ZBTB7C: variants seen among roughly 807,000 people sequenced by gnomAD.
ZBTB7C encodes zinc finger and BTB domain containing 7C.
A neutral mutation model predicts 25.7 loss-of-function variants in ZBTB7C; 8 were observed. That is an observed-to-expected ratio of 0.31 (90% CI 0.18 to 0.56). ZBTB7C has a LOEUF of 0.56. Ranked by LOEUF, ZBTB7C falls within the 20% of genes least tolerant of loss-of-function variation. The pLI is 0.91. For missense variants in ZBTB7C, 824 were observed against 855.2 expected (o/e 0.96, Z 0.46); for synonymous variants, 394 against 369.0 (o/e 1.07, Z -0.78).
At chr18:48,266,275 G>T (rs75035948) in intron 2 of ZBTB7C, among the ~76,000 whole-genome samples, 8,362 of 152,158 alleles carry the variant, frequency 0.055, 510 homozygotes, top group African/African-American at 0.15. Context: ...TGACTCCACG[G>T]CAGGGAGGAA....
At chr18:48,109,750 CAA>C (rs2039165975) in intron 3 of ZBTB7C, among the ~76,000 whole-genome samples, 1 of 152,092 alleles carries the variant, frequency 6.6e-6, no homozygotes, top group South Asian at 2.1e-4. Context: ...ATATGCCCAA[CAA>C]AGAGCATGCA....
intron 3 of ZBTB7C, among the ~76,000 whole-genome samples, chr18:48,109,488 T>A (rs1417571186): frequency 6.6e-6 from 1 of 152,168 alleles, no homozygotes; most frequent in Non-Finnish European, 1.5e-5. Flanking sequence ...ACATGACACA[T>A]GACTTTTGCC....
At chr18:48,318,313 C>A (rs775331576) in intron 2 of ZBTB7C, among the ~76,000 whole-genome samples, 1 of 152,272 alleles carries the variant, frequency 6.6e-6, no homozygotes, top group Middle Eastern at 3.4e-3. Context: ...GGGAACCAAC[C>A]CCCCCTCACA....
At chr18:48,374,094 G>C (rs1286142087) in intron 1 of ZBTB7C, 1 of 152,538 alleles carries the variant, frequency 6.6e-6, no homozygotes, top group African/African-American at 2.4e-5. Context: ...CTTCCCAGAA[G>C]CAGATGCTGG....
At chr18:48,073,367 C>T (rs917329636) in intron 3 of ZBTB7C, among the ~76,000 whole-genome samples, 5 of 152,126 alleles carry the variant, frequency 3.3e-5, no homozygotes, top group Admixed American at 1.3e-4. Context: ...CAGGGCCAGG[C>T]GAGCAGAGCC....
intron 1 of ZBTB7C, among the ~76,000 whole-genome samples, chr18:48,367,347 CATATATAT>C (rs58569472): frequency 2.2e-5 from 1 of 44,810 alleles, no homozygotes; most frequent in Non-Finnish European, 5.6e-5. Flanking sequence ...TATATGTGTG[CATATATAT>C]ATATATATAT....
intron 2 of ZBTB7C, among the ~76,000 whole-genome samples, chr18:48,255,157 T>C (rs2043985750): frequency 6.6e-6 from 1 of 152,156 alleles, no homozygotes; most frequent in South Asian, 2.1e-4. Context: ...ATTCACAATG[T>C]CTGACATCCA....
intron 2 of ZBTB7C, among the ~76,000 whole-genome samples, chr18:48,268,554 G>T (rs140302451): frequency 0.014 from 2,111 of 152,228 alleles, 57 homozygotes; most frequent in African/African-American, 0.048. Context: ...GGTGAGGGAT[G>T]ATGAACTTGA....
At chr18:48,407,414 T>C (rs1435741487) in intron 1 of ZBTB7C, among the ~76,000 whole-genome samples, 1 of 152,236 alleles carries the variant, frequency 6.6e-6, no homozygotes, top group Non-Finnish European at 1.5e-5. Context: ...CCTGGTTTTT[T>C]TAAGCCAAGG....
chr18:48,160,056 G>T (rs1158189644), intron 3 of ZBTB7C, among the ~76,000 whole-genome samples: 1 of 152,230 alleles, frequency 6.6e-6, no homozygotes, highest in Non-Finnish European at 1.5e-5. Context: ...ATCTGGAGTT[G>T]CCAATTTGGC....
intron 2 of ZBTB7C, among the ~76,000 whole-genome samples, chr18:48,225,875 T>G (rs1188743347): frequency 1.3e-5 from 2 of 152,172 alleles, no homozygotes; most frequent in Admixed American, 1.3e-4. Flanking sequence ...CCCGAGTAGC[T>G]GGGACTACAG....
intron 1 of ZBTB7C, among the ~76,000 whole-genome samples, chr18:48,391,422 C>T (rs2047900699): frequency 6.6e-6 from 1 of 152,224 alleles, no homozygotes; most frequent in Non-Finnish European, 1.5e-5. Flanking sequence ...GTTGAAAGCC[C>T]AGTCTATCTG....
intron 2 of ZBTB7C, among the ~76,000 whole-genome samples, chr18:48,231,445 G>A (rs2043249112): frequency 6.6e-6 from 1 of 152,068 alleles, no homozygotes; most frequent in South Asian, 2.1e-4. Context: ...AGGATGAACT[G>A]CCTGCAGAGA....
intron 2 of ZBTB7C, among the ~76,000 whole-genome samples, chr18:48,249,691 C>T (rs1456582312): frequency 6.6e-6 from 1 of 152,152 alleles, no homozygotes; most frequent in African/African-American, 2.4e-5. Context: ...AGGTTAGATT[C>T]TGAAAGGCTC....
intron 1 of ZBTB7C, among the ~76,000 whole-genome samples, chr18:48,365,528 AC>A (rs2047202805): frequency 6.6e-6 from 1 of 152,144 alleles, no homozygotes; most frequent in South Asian, 2.1e-4. Context: ...CATGAATCCT[AC>A]GGCTATAGGA....
rs780138595 is a variant in ZBTB7C at position 48,040,231 on chromosome 18, CCTCCTCCTT to C, written c.868_876del (p.Lys290_Glu292del). On this transcript the variant is annotated inframe_deletion, in exon 4 of 5. Transcript: ENST00000590800. The stretch of plus-strand genomic sequence containing the variant: ...GGGGGTGGGGGCAGCTCCTCCTTCT[CCTCCTCCTT>C]GATCTTCCGATTCTTGATGACCAGA... 6.4e-7 allele frequency: 1 copy of C among 1,569,152 alleles called. No individual in the cohort carries two copies. Among genetic ancestry groups the C allele is most frequent in the Admixed American group, 1.8e-5 (1 of 54,328 alleles).
upstream of ZBTB7C, among the ~76,000 whole-genome samples, chr18:48,410,334 G>C (rs993456187): frequency 6.6e-6 from 1 of 152,124 alleles, no homozygotes; most frequent in African/African-American, 2.4e-5. Context: ...CACCCCACAC[G>C]CCGGGGAGCA....
intron 2 of ZBTB7C, among the ~76,000 whole-genome samples, chr18:48,292,706 C>G (rs2045268649): frequency 6.6e-6 from 1 of 152,112 alleles, no homozygotes; most frequent in Non-Finnish European, 1.5e-5. Flanking sequence ...ACTTTCAATA[C>G]CTAAAAACAA....
intron 1 of ZBTB7C, among the ~76,000 whole-genome samples, chr18:48,360,619 G>A (rs2047082424): frequency 1.3e-5 from 2 of 152,182 alleles, no homozygotes; most frequent in East Asian, 3.9e-4. Context: ...AGTAGCCCAG[G>A]TGAGAGACGA....
Sources: allele counts gnomAD v4.1 joint callset (sites outside exome capture counted in the v4.1 genomes callset), GRCh38; gene constraint gnomAD v4.1.1; transcripts MANE v1.5; gene names NCBI Gene and HGNC (gene_info 2026-07-23, HGNC 2026-07-21).